MX2: variants seen among roughly 807,000 people sequenced by gnomAD.
MX2 encodes the protein interferon-induced GTP-binding protein Mx2.
Under a neutral mutation model 74.0 loss-of-function variants are expected in MX2, and 51 were observed. That is an observed-to-expected ratio of 0.69 (90% CI 0.55 to 0.87). The LOEUF (loss-of-function observed/expected upper bound fraction) is 0.87, where lower values mean the gene tolerates loss of function less well. Ranked by LOEUF, MX2 falls within the 40% of genes least tolerant of loss-of-function variation. The pLI, the probability that MX2 is intolerant of heterozygous loss-of-function variation, is 0.00. For missense variants in MX2, 832 were observed against 908.7 expected, an observed-to-expected ratio of 0.92 and a Z score of 1.09; for synonymous variants, 369 against 339.3, an observed-to-expected ratio of 1.09 and a Z score of -0.96.
rs771254198 is a variant in MX2, at chr21:41,407,984, C to T, written c.1906-7C>T. 1 of 1,614,066 alleles carries T rather than the reference C, an allele frequency of 6.2e-7. No individual in the cohort carries two copies. The highest frequency in any genetic ancestry group is 2.2e-5 in the East Asian group (1 of 44,884). On this transcript the variant is annotated splice_region_variant and splice_polypyrimidine_tract_variant and intron_variant, in intron 13 of 13. Transcript: ENST00000330714. ...CTCCAGCAAACCCTTCTTTCTCCCT[C>T]TTCCAGGAAACCAGCAAACGTCTCG...
chr21:41,380,116 A>G lies in MX2; in HGVS notation c.542A>G (p.Gln181Arg), dbSNP rs1350768167. The G allele has an allele frequency of 6.2e-7, 1 of 1,613,950 alleles. No homozygotes were observed. The highest frequency in any genetic ancestry group is 8.5e-7 in the Non-Finnish European group (1 of 1,179,836). ...ISYRNTELEL[Q>R]DPGQVEKEIH... ...TACCGGAACACCGAGCTAGAGCTTC[A>G]GGACCCTGGCCAGGTGGAGAAAGAG... The change falls in exon 4 of 14, where the codon CAG (glutamine) becomes CGG (arginine). Residue 181 changes from glutamine to arginine, a missense_variant. Physicochemically the swap from Gln to Arg is conservative, Grantham distance 43 (BLOSUM62 1). Coordinates refer to ENST00000330714, the MANE Select transcript of MX2 (RefSeq NM_002463.2). This position sits in a 1 kb window ranked among gnomAD's most constrained non-coding sequence, Gnocchi z 4.3.
Position 41,388,324 on chromosome 21 carries a change from G to A in MX2, c.733-2241G>A, listed in dbSNP as rs73228023. Among the ~76,000 whole-genome samples the A allele has an allele frequency of 1.9e-3, 290 of 152,308 alleles. No homozygotes were observed. The highest frequency in any genetic ancestry group is 3.2e-3 in the Non-Finnish European group (220 of 68,018). On this transcript the variant is annotated intron_variant, in intron 5 of 13. Transcript: ENST00000330714. This position sits in a 1 kb window ranked among gnomAD's most constrained non-coding sequence, Gnocchi z 4.0. The stretch of plus-strand genomic sequence containing the variant: ...CCCCTCGCTCCACCCTACCACATCC[G>A]GGTTCTGCGGCCCTTGGTCCCTCTG...
chr21:41,390,148 C>T (rs1424441029), intron 5 of MX2: 1 of 189,566 alleles, frequency 5.3e-6, no homozygotes, highest in Non-Finnish European at 1.1e-5. Context: ...GTGCTGGACT[C>T]TGCATGGGGA....
chr21:41,397,462 G>A, intron 7 of MX2, 151 bp from the exon 8 acceptor site: 1 of 603,606 alleles, frequency 1.7e-6, no homozygotes. Flanking sequence ...GGTGCAGGCT[G>A]GTGGCAAGTG....
chr21:41,403,356 A>G lies in MX2; in HGVS notation c.1650+13A>G, dbSNP rs1354504211. 6.2e-7 allele frequency: 1 copy of G among 1,605,564 alleles called. No individual in the cohort carries two copies. Among genetic ancestry groups the G allele is most frequent in the African/African-American group, 1.3e-5 (1 of 74,678 alleles). On this transcript the variant is annotated intron_variant, in intron 12 of 13. Coordinates refer to ENST00000330714, the MANE Select transcript of MX2 (RefSeq NM_002463.2). ...CCAAACTGTTCAGGTAAGCACCCAG[A>G]GTTCACTTGCTAGTCACCTGGACCA...
chr21:41,407,233 G>A (rs1015319709), intron 13 of MX2, among the ~76,000 whole-genome samples: 3 of 152,232 alleles, frequency 2.0e-5, no homozygotes, highest in South Asian at 2.1e-4. Context: ...GTGGTAGAGC[G>A]TGTACTCAAA....
At chr21:41,397,788 A>G (rs1306415522) in intron 8 of MX2, 97 bp downstream of exon 8, 3 of 949,740 alleles carry the variant, frequency 3.2e-6, no homozygotes, top group Admixed American at 2.0e-5. Flanking sequence ...GATCTGTCCA[A>G]ACAAGCAAAC....
At chr21:41,378,062 T>C in intron 3 of MX2, 81 bp downstream of exon 3, 1 of 1,484,670 alleles carries the variant, frequency 6.7e-7, no homozygotes, top group Non-Finnish European at 9.1e-7. Flanking sequence ...ACCAAGAGGT[T>C]TTAGAGACAG....
At chr21:41,387,679 T>C (rs1367281067) in intron 5 of MX2, among the ~76,000 whole-genome samples, 1 of 152,208 alleles carries the variant, frequency 6.6e-6, no homozygotes, top group Non-Finnish European at 1.5e-5. Flanking sequence ...GTCTCATGAC[T>C]GTAAATACCA....
intron 4 of MX2, among the ~76,000 whole-genome samples, chr21:41,381,467 C>T (rs187668592): frequency 5.9e-5 from 9 of 152,174 alleles, no homozygotes; most frequent in South Asian, 2.1e-4. Flanking sequence ...AGGCGGATCA[C>T]GAGGTTAGGA....
intron 5 of MX2, among the ~76,000 whole-genome samples, chr21:41,386,246 A>C (rs1267950399): frequency 6.6e-6 from 1 of 150,952 alleles, no homozygotes; most frequent in South Asian, 2.1e-4. Context: ...AAAAAAAAAA[A>C]AAACAAATCT....
chr21:41,379,215 G>A (rs2145888584), intron 3 of MX2, among the ~76,000 whole-genome samples: 1 of 152,356 alleles, frequency 6.6e-6, no homozygotes, highest in East Asian at 1.9e-4. Flanking sequence ...GGGGCAGTGA[G>A]ACTACGGGGT....
chr21:41,374,884 G>A lies in MX2; in HGVS notation c.-71-1952G>A, dbSNP rs757847258. On this transcript the variant is annotated intron_variant, in intron 1 of 13. Transcript: ENST00000330714. The stretch of plus-strand genomic sequence containing the variant: ...ACCTGGTCTCCTTATCTTCAAGGGT[G>A]CCCATCACACCACTCTCCAGCTCAG... 8.0e-4 allele frequency among the ~76,000 whole-genome samples: 121 copies of A among 152,052 alleles called. 2 individuals carry two copies. The highest frequency in any genetic ancestry group is 7.6e-3 in the Admixed American group (116 of 15,256).
intron 5 of MX2, among the ~76,000 whole-genome samples, chr21:41,389,175 T>C (rs55661445): frequency 0.044 from 6,619 of 151,700 alleles, 267 homozygotes; most frequent in East Asian, 0.18. Flanking sequence ...TATTCAATGA[T>C]TAGTAAAGCA....
At chr21:41,370,937 G>T (rs1321781344) in intron 1 of MX2, among the ~76,000 whole-genome samples, 2 of 152,214 alleles carry the variant, frequency 1.3e-5, no homozygotes, top group Non-Finnish European at 2.9e-5. Context: ...GTTGGAAATG[G>T]GTGGCAGATC....
At position 41,402,272 on chromosome 21, in the gene MX2, G is replaced by C. The variant is rs574907322; in HGVS notation, c.1573+144G>C. On this transcript the variant is annotated intron_variant, in intron 11 of 13. Coordinates refer to ENST00000330714, the MANE Select transcript of MX2 (RefSeq NM_002463.2). This position sits in a 1 kb window ranked among gnomAD's most constrained non-coding sequence, Gnocchi z 4.5. ...GTGTGCTAGATTGCTACTCTGTGTG[G>C]TCTGTGAGCCAGCAGCACTGGCAAG... 2.0e-6 allele frequency: 2 copies of C among 979,540 alleles called. No homozygotes were observed. The highest frequency in any genetic ancestry group is 6.5e-5 in the Admixed American group (2 of 30,968). 60.7% of individuals were successfully genotyped at this position (979,540 alleles called of 1,614,324 possible).
At chr21:41,376,737 G>T in intron 1 of MX2, 99 bp from the exon 2 acceptor site, 1 of 833,944 alleles carries the variant, frequency 1.2e-6, no homozygotes, top group South Asian at 1.6e-5. Flanking sequence ...TGTGTAGGGG[G>T]TAGGTTGTAG....
intron 1 of MX2, 103 bp from the exon 2 acceptor site, chr21:41,376,733 G>A: frequency 2.5e-6 from 2 of 807,966 alleles, no homozygotes; most frequent in African/African-American, 1.7e-5. Flanking sequence ...TCTGTGTGTA[G>A]GGGGTAGGTT....
chr21:41,387,322 G>A (rs368712743), intron 5 of MX2, among the ~76,000 whole-genome samples: 2 of 152,146 alleles, frequency 1.3e-5, no homozygotes, highest in African/African-American at 4.8e-5. Flanking sequence ...CATAAGGAAG[G>A]GGGTGGGCTC....
Sources: gnomAD v4.1 joint callset for allele counts (sites outside exome capture counted in the v4.1 genomes callset) on GRCh38, gnomAD v4.1.1 for gene constraint, Gnocchi (gnomAD v3.1) non-coding constraint, MANE v1.5 for transcripts, NCBI Gene and HGNC (gene_info 2026-07-23, HGNC 2026-07-21) for gene names.